Variants in MICAL2 observed in about 807,000 individuals in gnomAD.
MICAL2 encodes the protein microtubule associated monooxygenase, calponin and LIM domain containing 2.
In MICAL2, 77 loss-of-function variants were observed where a neutral mutation model predicts 127.3. The ratio of observed to expected loss-of-function variants is 0.60; its 90% CI spans 0.50 to 0.73. The LOEUF is 0.73. Ranked by LOEUF, MICAL2 falls within the 30% of genes least tolerant of loss-of-function variation. MICAL2 has a pLI of 0.00. For missense variants in MICAL2, 1,351 were observed against 1,434.4 expected (o/e 0.94, Z 0.94); for synonymous variants, 570 against 551.1 (o/e 1.03, Z -0.48).
In MICAL2 at chr11:12,214,317, G is replaced by A. The variant is rs78817054; in HGVS notation, c.847+907G>A. On this transcript the variant is annotated intron_variant, in intron 7 of 27. Transcript: ENST00000683283. Reference sequence around the variant, plus strand: ...TCTGTATATGGAAAATAAATCATCCGCAATCTGACCGCCCCACACGAGAAT... The same window carrying A: ...TCTGTATATGGAAAATAAATCATCCACAATCTGACCGCCCCACACGAGAAT... Among the ~76,000 whole-genome samples, 1,146 of 152,136 alleles carry A rather than the reference G, an allele frequency of 7.5e-3. 17 individuals carry two copies. Among genetic ancestry groups the A allele is most frequent in the African/African-American group, 0.025 (1,045 of 41,492 alleles).
chr11:12,171,392 C>T (rs1260568470), intron 3 of MICAL2, among the ~76,000 whole-genome samples: 1 of 152,154 alleles, frequency 6.6e-6, no homozygotes, highest in African/African-American at 2.4e-5. Flanking sequence ...AAAGGTAAAC[C>T]CTGGCTTCCC....
intron 3 of MICAL2, among the ~76,000 whole-genome samples, chr11:12,181,442 T>A (rs1857471465): frequency 6.6e-6 from 1 of 152,242 alleles, no homozygotes; most frequent in Non-Finnish European, 1.5e-5. Context: ...TGTAGCCTTA[T>A]ATCAGCTTCA....
intron 27 of MICAL2, chr11:12,263,298 C>T (rs1590707157): frequency 1.3e-5 from 2 of 152,362 alleles, no homozygotes; most frequent in Admixed American, 1.3e-4. Context: ...GCTTAAAGCA[C>T]ACATTTCTGC....
In MICAL2 at chr11:12,349,205, C is replaced by T. The variant is rs144800573; in HGVS notation, c.5516-633C>T. 2.1e-3 allele frequency among the ~76,000 whole-genome samples: 327 copies of T among 152,290 alleles called. 1 individual carries two copies. Among genetic ancestry groups the T allele is most frequent in the African/African-American group, 6.9e-3 (288 of 41,542 alleles). On this transcript the variant is annotated intron_variant, in intron 32 of 34. Transcript: ENST00000646065. ...ATCTAAGAAGCAGTGCCAGTTTTCT[C>T]GTGATTCTTCTTCTGTTTAATAAAG...
intron 31 of MICAL2, among the ~76,000 whole-genome samples, chr11:12,326,527 A>G (rs1864354630): frequency 6.6e-6 from 1 of 152,214 alleles, no homozygotes; most frequent in African/African-American, 2.4e-5. Context: ...CAAGTTAAAC[A>G]TCTTGTGTCT....
At position 12,188,490 on chromosome 11, in the gene MICAL2, A is replaced by C. The variant is rs186263618; in HGVS notation, c.265-15760A>C. On this transcript the variant is annotated intron_variant, in intron 3 of 27. Transcript: ENST00000683283. Reference sequence around the variant, plus strand: ...GCACCTAGTTGGAAGAGGCCGGGGAAGCTGCTGAACATCCTACAATGCACA... The same window carrying C: ...GCACCTAGTTGGAAGAGGCCGGGGACGCTGCTGAACATCCTACAATGCACA... 5.9e-3 allele frequency among the ~76,000 whole-genome samples: 904 copies of C among 152,280 alleles called. 11 individuals are homozygous for C. The highest frequency in any genetic ancestry group is 0.021 in the African/African-American group (882 of 41,554).
chr11:12,335,059 A>C (rs1938724033), intron 32 of MICAL2, among the ~76,000 whole-genome samples: 1 of 151,818 alleles, frequency 6.6e-6, no homozygotes, highest in Non-Finnish European at 1.5e-5. Context: ...ACTAGTTTAC[A>C]GTCCCACCAA....
At chr11:12,238,106 A>C (rs1025331659) in intron 16 of MICAL2, among the ~76,000 whole-genome samples, 1 of 152,224 alleles carries the variant, frequency 6.6e-6, no homozygotes. Flanking sequence ...TTTTAAAAAA[A>C]AATTAACTAT....
intron 32 of MICAL2, among the ~76,000 whole-genome samples, chr11:12,338,920 A>T (rs1938813272): frequency 6.6e-6 from 1 of 152,044 alleles, no homozygotes; most frequent in Admixed American, 6.5e-5. Context: ...GGTGAATCTG[A>T]CAATTATGTG....
At chr11:12,343,944 T>C (rs1376787409) in intron 32 of MICAL2, among the ~76,000 whole-genome samples, 1 of 152,096 alleles carries the variant, frequency 6.6e-6, no homozygotes, top group African/African-American at 2.4e-5. Context: ...TAGAACAGTG[T>C]CTTGGATGTA....
upstream of MICAL2, among the ~76,000 whole-genome samples, chr11:12,275,758 A>G (rs1188564383): frequency 6.6e-6 from 1 of 152,224 alleles, no homozygotes; most frequent in Non-Finnish European, 1.5e-5. Flanking sequence ...TGTGGACTAA[A>G]TGGGATGATC....
chr11:12,193,416 C>T (rs929723398), intron 3 of MICAL2, among the ~76,000 whole-genome samples: 7 of 152,206 alleles, frequency 4.6e-5, no homozygotes, highest in Admixed American at 2.6e-4. Flanking sequence ...GACCTTTTCT[C>T]ATACAGATCC....
chr11:12,302,012 A>G (rs566558839), intron 29 of MICAL2, among the ~76,000 whole-genome samples: 1 of 152,332 alleles, frequency 6.6e-6, no homozygotes, highest in Admixed American at 6.5e-5. Flanking sequence ...CGGCTAAAAC[A>G]AGCAGTCCAT....
intron 29 of MICAL2, among the ~76,000 whole-genome samples, chr11:12,312,172 A>G (rs892999164): frequency 1.3e-5 from 2 of 151,602 alleles, no homozygotes; most frequent in African/African-American, 4.8e-5. Context: ...GTATTTTTAG[A>G]GTCAAATTTT....
At chr11:12,290,623 G>C (rs555300830), downstream of MICAL2, among the ~76,000 whole-genome samples, 97 of 152,318 alleles carry the variant, frequency 6.4e-4, no homozygotes, top group African/African-American at 2.2e-3. Context: ...TGGGGGTGCG[G>C]TAGTGGGAGG....
At chr11:12,260,646 G>A (rs1311534671) in intron 26 of MICAL2, 2 of 986,492 alleles carry the variant, frequency 2.0e-6, no homozygotes, top group Non-Finnish European at 2.4e-6. Context: ...GTACCCAGAT[G>A]CCACTTGTCA....
At chr11:12,335,353 G>A (rs568496583) in intron 32 of MICAL2, among the ~76,000 whole-genome samples, 2 of 149,436 alleles carry the variant, frequency 1.3e-5, no homozygotes, top group East Asian at 4.0e-4. Context: ...CTGGATATTA[G>A]CCCTTTGTCA....
In MICAL2 at chr11:12,226,889, C is replaced by T. The variant is rs528059079; in HGVS notation, c.1889-136C>T. 50 of 665,564 alleles carry T rather than the reference C, an allele frequency of 7.5e-5. No individual in the cohort carries two copies. In the African/African-American group the frequency reaches 8.4e-4, roughly 11 times the overall value. 41.2% of individuals were successfully genotyped at this position (665,564 alleles called of 1,614,324 possible). A position where few individuals can be genotyped will look rare whatever the true frequency, so the allele number is the denominator to read the frequency against. ...CAGGATGGTCTCGATCTCCTGACCT[C>T]GTGATCCACCTGTCTTGGCCTCCCA... is the stretch of plus-strand genomic sequence containing the variant. On this transcript the variant is annotated intron_variant, in intron 14 of 27. Coordinates refer to ENST00000683283, the MANE Select transcript of MICAL2 (RefSeq NM_001282663.2).
At chr11:12,258,877 C>G (rs1385485979) in intron 25 of MICAL2, among the ~76,000 whole-genome samples, 1 of 152,222 alleles carries the variant, frequency 6.6e-6, no homozygotes, top group Non-Finnish European at 1.5e-5. Context: ...CCCTCTGTAC[C>G]TGGAACCCAC....
Sources: gnomAD v4.1 joint callset for allele counts (sites outside exome capture counted in the v4.1 genomes callset) on GRCh38, gnomAD v4.1.1 for gene constraint, MANE v1.5 for transcripts, NCBI Gene and HGNC (gene_info 2026-07-23, HGNC 2026-07-21) for gene names.